The following BICD1 variants were observed in gnomAD, a reference collection of about 807,000 sequenced individuals.
BICD1 encodes the protein BICD cargo adaptor 1.
In BICD1, 35 loss-of-function variants were observed where a neutral mutation model predicts 92.5. That is an observed-to-expected ratio of 0.38 (90% CI 0.29 to 0.50). The LOEUF (loss-of-function observed/expected upper bound fraction) is 0.50. BICD1 is among the 20% of genes least tolerant of loss of function. The probability of loss-of-function intolerance (pLI) is 0.93; values close to 1 mark genes in which losing one functional copy is unlikely to be tolerated. For missense variants in BICD1, 950 were observed against 1,189.8 expected (o/e 0.80, Z 2.97); for synonymous variants, 429 against 465.1 (o/e 0.92, Z 1.00).
chr12:32,293,189 A>G (rs950511567), intron 2 of BICD1, among the ~76,000 whole-genome samples: 22 of 152,160 alleles, frequency 1.4e-4, no homozygotes, highest in African/African-American at 4.6e-4. Context: ...GTATCTGTGT[A>G]TGTGTGTGTT....
chr12:32,302,804 G>T (rs963394418), intron 3 of BICD1, among the ~76,000 whole-genome samples: 12 of 148,126 alleles, frequency 8.1e-5, no homozygotes, highest in African/African-American at 2.7e-4. Flanking sequence ...CTAAATAATG[G>T]ATATTATAAA....
At chr12:32,159,003 A>G (rs1054605208) in intron 1 of BICD1, among the ~76,000 whole-genome samples, 7 of 152,070 alleles carry the variant, frequency 4.6e-5, no homozygotes, top group South Asian at 2.1e-4. Context: ...GCACAATCTC[A>G]GCGCACTGCA....
intron 8 of BICD1, among the ~76,000 whole-genome samples, chr12:32,350,786 A>T (rs928608574): frequency 2.0e-5 from 3 of 152,186 alleles, no homozygotes; most frequent in Non-Finnish European, 4.4e-5. Flanking sequence ...GCACAACTCA[A>T]AATGGTTGAC....
At chr12:32,351,899 ACT>A (rs1480600023) in intron 8 of BICD1, among the ~76,000 whole-genome samples, 3 of 140,008 alleles carry the variant, frequency 2.1e-5, no homozygotes, top group African/African-American at 5.4e-5. Flanking sequence ...ACAGAGCGAG[ACT>A]CTGTCTCGAA....
At chr12:32,110,949 G>A (rs1009550984) in intron 1 of BICD1, among the ~76,000 whole-genome samples, 4 of 151,558 alleles carry the variant, frequency 2.6e-5, no homozygotes, top group Admixed American at 2.0e-4. Context: ...TAACTAATCT[G>A]CACGTTGTGC....
chr12:32,222,330 C>T (rs1338603738), intron 2 of BICD1, among the ~76,000 whole-genome samples: 1 of 152,168 alleles, frequency 6.6e-6, no homozygotes, highest in Non-Finnish European at 1.5e-5. Flanking sequence ...TTATTGAGTG[C>T]CAGACACTGT....
intron 2 of BICD1, among the ~76,000 whole-genome samples, chr12:32,276,986 G>A (rs1384371697): frequency 6.6e-6 from 1 of 152,086 alleles, no homozygotes; most frequent in Non-Finnish European, 1.5e-5. Flanking sequence ...GACAACTCTG[G>A]ACGTCCCCCC....
chr12:32,375,746 A>G (rs900377543), intron 9 of BICD1, among the ~76,000 whole-genome samples: 15 of 152,182 alleles, frequency 9.9e-5, no homozygotes, highest in African/African-American at 3.6e-4. Flanking sequence ...CCAGTCAGAT[A>G]TTTTCCATAA....
chr12:32,225,575 G>T, intron 2 of BICD1, among the ~76,000 whole-genome samples: 1 of 145,452 alleles, frequency 6.9e-6, no homozygotes, highest in East Asian at 2.1e-4. Context: ...AGTTCCTGTT[G>T]CCCCTATTCT....
chr12:32,282,434 T>C (rs1394123362), intron 2 of BICD1, among the ~76,000 whole-genome samples: 2 of 152,032 alleles, frequency 1.3e-5, no homozygotes, highest in African/African-American at 4.8e-5. Context: ...TTGCCCAGGC[T>C]GCACCTTGAA....
chr12:32,117,875 C>T (rs1387327337), intron 1 of BICD1, among the ~76,000 whole-genome samples: 3 of 149,850 alleles, frequency 2.0e-5, no homozygotes, highest in Non-Finnish European at 4.5e-5. Context: ...CTCAGGCTCC[C>T]GAGTAGCTGG....
At chr12:32,340,104 T>C (rs1185349810) in intron 8 of BICD1, 1 of 985,036 alleles carries the variant, frequency 1.0e-6, no homozygotes, top group Admixed American at 6.2e-5. Flanking sequence ...TTTTTTTTCA[T>C]TTTACCTTAA....
At chr12:32,134,649 T>C (rs1237595001) in intron 1 of BICD1, among the ~76,000 whole-genome samples, 1 of 152,202 alleles carries the variant, frequency 6.6e-6, no homozygotes, top group African/African-American at 2.4e-5. Context: ...GCACCGCGAC[T>C]CTGTCATTGT....
intron 1 of BICD1, among the ~76,000 whole-genome samples, chr12:32,155,431 T>A (rs192126646): frequency 2.0e-5 from 3 of 152,352 alleles, no homozygotes; most frequent in Non-Finnish European, 4.4e-5. Context: ...TTCAGCTAAA[T>A]TTTTAAAATC....
chr12:32,143,478 A>G (rs1198056279), intron 1 of BICD1, among the ~76,000 whole-genome samples: 1 of 151,846 alleles, frequency 6.6e-6, no homozygotes, highest in African/African-American at 2.4e-5. Flanking sequence ...TGTGTGTGAG[A>G]TTCTCCAGGT....
At chr12:32,206,029 G>A (rs1437275301) in intron 1 of BICD1, among the ~76,000 whole-genome samples, 1 of 152,262 alleles carries the variant, frequency 6.6e-6, no homozygotes, top group East Asian at 1.9e-4. Flanking sequence ...TGTTGGATAT[G>A]TCAGTAGTTT....
intron 1 of BICD1, among the ~76,000 whole-genome samples, chr12:32,124,879 T>G (rs1613650): frequency 6.6e-6 from 1 of 151,878 alleles, no homozygotes; most frequent in Non-Finnish European, 1.5e-5. Context: ...AGCTGTGTTA[T>G]GGGGCTTGTC....
chr12:32,300,901 C>T (rs993387967), intron 3 of BICD1, among the ~76,000 whole-genome samples: 5 of 151,620 alleles, frequency 3.3e-5, no homozygotes, highest in African/African-American at 1.2e-4. Flanking sequence ...TCCACCCACC[C>T]CAGCCTCCCA....
intron 1 of BICD1, among the ~76,000 whole-genome samples, chr12:32,159,696 G>A (rs2121485714): frequency 6.6e-6 from 1 of 152,300 alleles, no homozygotes; most frequent in Admixed American, 6.5e-5. Context: ...ATTACTGGGT[G>A]TTTGTGTCCC....
Sources: allele counts gnomAD v4.1 joint callset (sites outside exome capture counted in the v4.1 genomes callset), GRCh38; gene constraint gnomAD v4.1.1; transcripts MANE v1.5; gene names NCBI Gene and HGNC (gene_info 2026-07-23, HGNC 2026-07-21).